FOCAD: variants seen among roughly 807,000 people sequenced by gnomAD.
The protein encoded by FOCAD is focadhesin.
In FOCAD, 198 loss-of-function variants were observed where a neutral mutation model predicts 225.6. The observed-to-expected ratio is 0.88, with a 90% CI of 0.78 to 0.99. The LOEUF (loss-of-function observed/expected upper bound fraction) is 0.99. Among genes scored for constraint, FOCAD ranks in the 50% least tolerant of loss-of-function variants. FOCAD has a pLI of 0.00. For synonymous variants in FOCAD, 897 were observed against 755.0 expected (o/e 1.19, Z -3.08); for missense variants, 2,713 against 2,123.6 (o/e 1.28, Z -5.46).
At chr9:20,873,362 C>CT (rs1829961757) in intron 18 of FOCAD, among the ~76,000 whole-genome samples, 1 of 152,096 alleles carries the variant, frequency 6.6e-6, no homozygotes, top group South Asian at 2.1e-4. Context: ...GAGAGTAAAC[C>CT]TGGAAGACTG....
At chr9:20,775,096 A>G (rs1818623601) in intron 8 of FOCAD, among the ~76,000 whole-genome samples, 1 of 152,174 alleles carries the variant, frequency 6.6e-6, no homozygotes, top group Non-Finnish European at 1.5e-5. Flanking sequence ...CAAATATTAT[A>G]TTCACTTTTT....
intron 35 of FOCAD, among the ~76,000 whole-genome samples, chr9:20,975,492 C>T (rs746318616): frequency 5.9e-5 from 9 of 152,124 alleles, no homozygotes; most frequent in Non-Finnish European, 1.2e-4. Context: ...CAGTCTAGGA[C>T]TACAGAGACT....
Position 20,759,550 on chromosome 9 carries a change from C to T in FOCAD, c.494+1359C>T, listed in dbSNP as rs191546084. On this transcript the variant is annotated intron_variant, in intron 6 of 43. Coordinates refer to ENST00000338382, the MANE Select transcript of FOCAD (RefSeq NM_001375567.1). ...CTGGATCCCTTCCTTACACCTTATA[C>T]AAAACTTAATTCAAGATGGATTAAA... Among the ~76,000 whole-genome samples, 3 of 152,268 alleles carry T rather than the reference C, an allele frequency of 2.0e-5. No individual in the cohort carries two copies. The East Asian group carries it at 5.8e-4, about 29-fold the overall frequency.
At position 20,862,706 on chromosome 9, in the gene FOCAD, A is replaced by G. The variant is rs1349786684; in HGVS notation, c.2049A>G (p.Glu683=). The G allele has an allele frequency of 6.2e-7, 1 of 1,611,520 alleles. No individual in the cohort carries two copies. Among genetic ancestry groups the G allele is most frequent in the East Asian group, 2.2e-5 (1 of 44,788 alleles). ...CTTCCTTAACGGTCAATACAACTGA[A>G]TATGAGGTATGCATTTGGAGCTCAG... ...LVPSLTVNTT[E]YENFKVQVLS... Residue 683 remains glutamate, a synonymous_variant, in exon 16 of 44, where the codon GAA becomes GAG. Coordinates refer to ENST00000338382, the MANE Select transcript of FOCAD (RefSeq NM_001375567.1).
At chr9:20,939,377 C>T (rs1022925645) in intron 28 of FOCAD, among the ~76,000 whole-genome samples, 1 of 152,086 alleles carries the variant, frequency 6.6e-6, no homozygotes, top group Non-Finnish European at 1.5e-5. Flanking sequence ...TCCCTCCTGC[C>T]TCCTCTTACC....
chr9:20,770,316 G>C (rs1234163422), intron 8 of FOCAD, 78 bp downstream of exon 8: 1 of 1,342,232 alleles, frequency 7.5e-7, no homozygotes. Context: ...ATAAAGAAAT[G>C]AGGTTTAATT....
At chr9:20,939,928 G>A (rs1836472262) in intron 28 of FOCAD, among the ~76,000 whole-genome samples, 1 of 120,054 alleles carries the variant, frequency 8.3e-6, no homozygotes, top group South Asian at 2.9e-4. Flanking sequence ...ACAGGCCCCA[G>A]TGTGTGATGT....
chr9:20,756,573 A>G (rs1195310402), intron 5 of FOCAD, among the ~76,000 whole-genome samples: 1 of 152,216 alleles, frequency 6.6e-6, no homozygotes, highest in Non-Finnish European at 1.5e-5. Context: ...CCTGGGCATT[A>G]GTATTAAGGG....
At chr9:20,851,238 G>A (rs576005651) in intron 15 of FOCAD, among the ~76,000 whole-genome samples, 35 of 149,964 alleles carry the variant, frequency 2.3e-4, no homozygotes, top group African/African-American at 8.1e-4. Context: ...GGGTGGGGGG[G>A]TGTTATTATT....
chr9:20,964,690 C>T (rs1034888348), intron 35 of FOCAD, among the ~76,000 whole-genome samples: 1 of 152,114 alleles, frequency 6.6e-6, no homozygotes, highest in Non-Finnish European at 1.5e-5. Context: ...CGCATGCCAC[C>T]ACGCCCAGCT....
intron 12 of FOCAD, 106 bp downstream of exon 12, chr9:20,820,006 A>G: frequency 1.6e-6 from 1 of 629,264 alleles, no homozygotes; most frequent in South Asian, 2.2e-5. Flanking sequence ...TGCCATAGTC[A>G]CTACTTCTCT....
At position 20,862,641 on chromosome 9, in the gene FOCAD, C is replaced by G. The variant is rs1318718048; in HGVS notation, c.1984C>G (p.Leu662Val). The G allele has an allele frequency of 6.2e-7, 1 of 1,613,688 alleles. No individual in the cohort carries two copies. Among genetic ancestry groups the G allele is most frequent in the Non-Finnish European group, 8.5e-7 (1 of 1,179,700 alleles). The change falls in exon 16 of 44, where the codon CTC becomes GTC. Residue 662 changes from leucine (L) to valine (V), a missense_variant. Transcript: ENST00000338382. The stretch of plus-strand genomic sequence containing the variant: ...AAAGCTGAGTTGTGACACAAGACCT[C>G]TCATTCTGAAGACACTGAGTGAACT... ...SPKLSCDTRP[L>V]ILKTLSELFS...
chr9:20,988,500 T>C lies in FOCAD; in HGVS notation c.5004+71T>C, dbSNP rs540010657. 56 of 630,808 alleles carry C rather than the reference T, an allele frequency of 8.9e-5. No homozygotes were observed. The African/African-American group carries it at 1.0e-3, about 12-fold the overall frequency. The allele number at this position is 630,808 out of a possible 1,614,324, so 39.1% of individuals were successfully genotyped here. A position where few individuals can be genotyped will look rare whatever the true frequency, so the allele number is the denominator to read the frequency against. On this transcript the variant is annotated intron_variant, in intron 41 of 43. Coordinates refer to ENST00000338382, the MANE Select transcript of FOCAD (RefSeq NM_001375567.1). The stretch of plus-strand genomic sequence containing the variant: ...TTATATTAGGTTGGTGCAAAAGTAA[T>C]TGCGGTTTTGCCATTAATTGGCAAA...
Position 20,866,917 on chromosome 9 carries a change from T to TTTTAAAAAAAAA in FOCAD, c.2107-12_2107-11insTTTAAAAAAAAA. The TTTTAAAAAAAAA allele has an allele frequency of 7.8e-6, 6 of 764,962 alleles. No homozygotes were observed. The highest frequency in any genetic ancestry group is 1.0e-5 in the Non-Finnish European group (5 of 498,462). 47.4% of individuals were successfully genotyped at this position (764,962 alleles called of 1,614,324 possible). A position where few individuals can be genotyped will look rare whatever the true frequency, so the allele number is the denominator to read the frequency against. On this transcript the variant is annotated splice_polypyrimidine_tract_variant and intron_variant, in intron 17 of 43. Coordinates refer to ENST00000338382, the MANE Select transcript of FOCAD (RefSeq NM_001375567.1). ...TTTTTTTTTTTTTTTTTTTTTTTTTTACCCTATCTAGGACCCAATTGTAGC... is the reference window on the plus strand; with the variant it reads ...TTTTTTTTTTTTTTTTTTTTTTTTTTTTTAAAAAAAAAACCCTATCTAGGACCCAATTGTAGC...
Position 20,946,814 on chromosome 9 carries a change from C to A in FOCAD, c.3669C>A (p.Ser1223Arg). 1 of 1,613,454 alleles carries A rather than the reference C, an allele frequency of 6.2e-7. No homozygotes were observed. The highest frequency in any genetic ancestry group is 1.3e-5 in the African/African-American group (1 of 74,950). ...AGCTTCGACTGTTAGTGGAGAATAGCCAGCAGGTTGGAACGTGTGCCCTGA... is the reference window on the plus strand; with the variant it reads ...AGCTTCGACTGTTAGTGGAGAATAGACAGCAGGTTGGAACGTGTGCCCTGA... ...MNKLRLLVENSQQTSGFALAL... is the reference protein window; with the variant it reads ...MNKLRLLVENRQQTSGFALAL... Residue 1223 changes from serine (S) to arginine (R), a missense_variant, in exon 30 of 44, where the codon AGC (serine) becomes AGA (arginine). Ser to Arg is a moderately radical substitution (Grantham distance 110). Coordinates refer to ENST00000338382, the MANE Select transcript of FOCAD (RefSeq NM_001375567.1).
intron 4 of FOCAD, among the ~76,000 whole-genome samples, chr9:20,730,973 C>T (rs922130999): frequency 3.9e-5 from 6 of 152,270 alleles, no homozygotes; most frequent in African/African-American, 7.2e-5. Context: ...CAGTGGCTCA[C>T]GCCTGTAATC....
chr9:20,746,176 A>G (rs1828019521), intron 5 of FOCAD, among the ~76,000 whole-genome samples: 1 of 152,202 alleles, frequency 6.6e-6, no homozygotes, highest in Non-Finnish European at 1.5e-5. Context: ...TTTAATTTCA[A>G]TAACTAGCTT....
intron 27 of FOCAD, among the ~76,000 whole-genome samples, chr9:20,931,913 A>C (rs940344269): frequency 1.7e-4 from 26 of 152,136 alleles, no homozygotes; most frequent in African/African-American, 5.8e-4. Context: ...AAAAAAAAAA[A>C]AAAAAAGGGG....
chr9:20,770,013 T>C lies in FOCAD; in HGVS notation c.700-19T>C. 1 of 1,600,180 alleles carries C rather than the reference T, an allele frequency of 6.2e-7. No homozygotes were observed. The highest frequency in any genetic ancestry group is 8.6e-7 in the Non-Finnish European group (1 of 1,168,414). ...GGTTTGTGTATTTTTTAATATCATA[T>C]AATGACTTTTTTAAACAGGTAAAAG... On this transcript the variant is annotated intron_variant, in intron 7 of 43. Coordinates refer to ENST00000338382, the MANE Select transcript of FOCAD (RefSeq NM_001375567.1).
Sources: gnomAD v4.1 joint callset for allele counts (sites outside exome capture counted in the v4.1 genomes callset) on GRCh38, gnomAD v4.1.1 for gene constraint, MANE v1.5 for transcripts, NCBI Gene and HGNC (gene_info 2026-07-23, HGNC 2026-07-21) for gene names.